Variants in STXBP5 observed in about 807,000 individuals in gnomAD.
STXBP5 encodes syntaxin binding protein 5, also known as syntaxin-binding protein 5.
In STXBP5, 50 loss-of-function variants were observed where a neutral mutation model predicts 152.4. The observed-to-expected ratio is 0.33, with a 90% CI of 0.26 to 0.42. STXBP5 has a LOEUF of 0.42. Among genes scored for constraint, STXBP5 ranks in the 10% least tolerant of loss-of-function variants. STXBP5 has a pLI of 1.00. For missense variants in STXBP5, 1,167 were observed against 1,388.6 expected, an observed-to-expected ratio of 0.84 and a Z score of 2.54; for synonymous variants, 492 against 494.7, an observed-to-expected ratio of 0.99 and a Z score of 0.07.
At chr6:147,384,666 T>C (rs775324896) in intron 27 of STXBP5, 48 bp from the exon 28 acceptor site, 29 of 1,560,570 alleles carry the variant, frequency 1.9e-5, no homozygotes, top group Non-Finnish European at 1.7e-5. Flanking sequence ...ATAAATGTTA[T>C]TGTTCCGGCA....
At chr6:147,295,197 A>G (rs1051932127) in intron 9 of STXBP5, among the ~76,000 whole-genome samples, 1 of 152,184 alleles carries the variant, frequency 6.6e-6, no homozygotes, top group African/African-American at 2.4e-5. Context: ...CTAGTAGACT[A>G]TATAAGAAGG....
chr6:147,332,685 C>G (rs1783634946), intron 18 of STXBP5, among the ~76,000 whole-genome samples: 1 of 152,160 alleles, frequency 6.6e-6, no homozygotes, highest in South Asian at 2.1e-4. Context: ...CTACATCACC[C>G]AACCAAGTAG....
At chr6:147,209,764 A>G (rs778746677) in intron 2 of STXBP5, among the ~76,000 whole-genome samples, 3 of 152,178 alleles carry the variant, frequency 2.0e-5, no homozygotes, top group Non-Finnish European at 4.4e-5. Context: ...GAACATTTCT[A>G]TACATTGGTA....
intron 27 of STXBP5, among the ~76,000 whole-genome samples, chr6:147,383,679 C>T (rs529303433): frequency 3.2e-4 from 48 of 152,198 alleles, no homozygotes; most frequent in African/African-American, 1.1e-3. Flanking sequence ...CATCTAGTTC[C>T]TAGGCTGGCC....
Position 147,387,474 on chromosome 6 carries a change from AC to A in STXBP5, c.*2721del, listed in dbSNP as rs1786396214. 1 of 151,772 alleles carries A rather than the reference AC, an allele frequency of 6.6e-6. No homozygotes were observed. The highest frequency in any genetic ancestry group is 1.5e-5 in the Non-Finnish European group (1 of 67,766). The allele number at this position is 151,772 out of a possible 1,614,324, so 9.4% of individuals were successfully genotyped here. The stretch of plus-strand genomic sequence containing the variant: ...AGTAGGAAGTGGTTTTTCTGTATGT[AC>A]CATATATCCAGTTCATTTCAGTTTT... On this transcript the variant is annotated 3_prime_UTR_variant, in exon 28 of 28. Transcript: ENST00000321680.
chr6:147,228,255 A>C (rs1404511628), intron 2 of STXBP5, among the ~76,000 whole-genome samples: 3 of 152,102 alleles, frequency 2.0e-5, no homozygotes, highest in African/African-American at 7.2e-5. Flanking sequence ...GAGGCCCATG[A>C]ATATCTAAAA....
intron 21 of STXBP5, among the ~76,000 whole-genome samples, chr6:147,346,776 T>C (rs1201753118): frequency 2.0e-5 from 3 of 151,922 alleles, no homozygotes; most frequent in African/African-American, 4.8e-5. Flanking sequence ...AGTTCAACTT[T>C]AGGCCTTAGG....
chr6:147,222,823 T>C (rs557862623), intron 2 of STXBP5, among the ~76,000 whole-genome samples: 2 of 152,364 alleles, frequency 1.3e-5, no homozygotes, highest in South Asian at 4.1e-4. Flanking sequence ...TGTGGGGACA[T>C]CTCTATGACT....
At chr6:147,330,368 C>A (rs1016932634) in intron 18 of STXBP5, among the ~76,000 whole-genome samples, 1 of 151,942 alleles carries the variant, frequency 6.6e-6, no homozygotes, top group Non-Finnish European at 1.5e-5. Context: ...TAAGAAGAAT[C>A]GTTTTTTCTC....
chr6:147,365,005 A>G (rs1480525141), intron 25 of STXBP5, among the ~76,000 whole-genome samples: 1 of 152,220 alleles, frequency 6.6e-6, no homozygotes, highest in Non-Finnish European at 1.5e-5. Context: ...TCTAAGCATC[A>G]TCTTTAAAAT....
chr6:147,365,829 C>A (rs1785265940), intron 25 of STXBP5, among the ~76,000 whole-genome samples: 1 of 151,976 alleles, frequency 6.6e-6, no homozygotes, highest in East Asian at 1.9e-4. Context: ...CAACTTTAGC[C>A]CAAAATAAAG....
At chr6:147,376,587 C>T (rs1367075805) in intron 26 of STXBP5, among the ~76,000 whole-genome samples, 4 of 152,076 alleles carry the variant, frequency 2.6e-5, no homozygotes, top group African/African-American at 7.2e-5. Flanking sequence ...AAAGCTTAGC[C>T]GGGAGGGTTG....
intron 16 of STXBP5, among the ~76,000 whole-genome samples, chr6:147,319,555 T>A (rs528807894): frequency 7.9e-5 from 12 of 152,316 alleles, no homozygotes; most frequent in African/African-American, 2.9e-4. Flanking sequence ...TAAAACTTTA[T>A]AACAACTAAC....
At position 147,291,192 on chromosome 6, in the gene STXBP5, C is replaced by A. The variant is rs757840143; in HGVS notation, c.917+20C>A. 27 of 1,598,470 alleles carry A rather than the reference C, an allele frequency of 1.7e-5. No individual in the cohort carries two copies. The highest frequency in any genetic ancestry group is 1.9e-5 in the Non-Finnish European group (22 of 1,168,184). On this transcript the variant is annotated intron_variant, in intron 9 of 27. Transcript: ENST00000321680. ...ATCTGGGTAAGATTTTACTTCATTGCCAATGTTCATTGTATATAAGTCCTC... is the reference window on the plus strand; with the variant it reads ...ATCTGGGTAAGATTTTACTTCATTGACAATGTTCATTGTATATAAGTCCTC...
chr6:147,360,038 A>G (rs1033801543), intron 23 of STXBP5, among the ~76,000 whole-genome samples: 4 of 152,246 alleles, frequency 2.6e-5, no homozygotes, highest in Non-Finnish European at 4.4e-5. Flanking sequence ...CAAAAAACAC[A>G]TGAAAAAATG....
At position 147,386,833 on chromosome 6, in the gene STXBP5, CCTAT is replaced by C. The variant is rs1786362783; in HGVS notation, c.*2083_*2086del. ...TGTAGATTAATATACTGGTTGGTTC[CCTAT>C]CTATGTGGAAGGTCATATTAGCTGC... is the stretch of plus-strand genomic sequence containing the variant. On this transcript the variant is annotated 3_prime_UTR_variant, in exon 28 of 28. Coordinates refer to ENST00000321680, the MANE Select transcript of STXBP5 (RefSeq NM_001127715.4). 3 of 151,570 alleles carry C rather than the reference CCTAT, an allele frequency of 2.0e-5. No individual in the cohort carries two copies. The highest frequency in any genetic ancestry group is 4.2e-4 in the South Asian group (2 of 4,804). 9.4% of individuals were successfully genotyped at this position (151,570 alleles called of 1,614,324 possible). A position where few individuals can be genotyped will look rare whatever the true frequency, so the allele number is the denominator to read the frequency against.
At chr6:147,294,785 G>A (rs954175648) in intron 9 of STXBP5, among the ~76,000 whole-genome samples, 1 of 152,118 alleles carries the variant, frequency 6.6e-6, no homozygotes, top group African/African-American at 2.4e-5. Context: ...AACTAGAATA[G>A]GAAATAGAGA....
Position 147,291,138 on chromosome 6 carries a change from A to G in STXBP5, c.883A>G (p.Ile295Val), listed in dbSNP as rs765484388. The G allele has an allele frequency of 1.9e-5, 30 of 1,612,840 alleles. No homozygotes were observed. The highest frequency in any genetic ancestry group is 1.5e-5 in the Non-Finnish European group (18 of 1,179,370). The change falls in exon 9 of 28, where the codon ATC becomes GTC. Residue 295 changes from isoleucine to valine, a missense_variant. Around this residue, in one of 3 missense-constraint regions of STXBP5, gnomAD observed 24 missense variants for 56.2 expected, o/e 0.43. Coordinates refer to ENST00000321680, the MANE Select transcript of STXBP5 (RefSeq NM_001127715.4). ...GAAGAAGCCAGAACCATGCAAACCTATCCTCAAGGTGGAATTCAAAACGAC... is the reference window on the plus strand; with the variant it reads ...GAAGAAGCCAGAACCATGCAAACCTGTCCTCAAGGTGGAATTCAAAACGAC... The part of the protein sequence containing the change: ...DGKKPEPCKP[I>V]LKVEFKTTRS...
chr6:147,240,264 A>G (rs1176316887), intron 4 of STXBP5, among the ~76,000 whole-genome samples: 1 of 151,900 alleles, frequency 6.6e-6, no homozygotes, highest in Non-Finnish European at 1.5e-5. Flanking sequence ...TTAAAGTTTT[A>G]TTTTTTATAC....
Sources: gnomAD v4.1 joint callset for allele counts (sites outside exome capture counted in the v4.1 genomes callset) on GRCh38, gnomAD v4.1.1 for gene constraint, gnomAD v4.1.1 regional missense constraint, MANE v1.5 for transcripts, NCBI Gene and HGNC (gene_info 2026-07-23, HGNC 2026-07-21) for gene names.